Variants in FGF12 observed in about 807,000 individuals in gnomAD.
The protein encoded by FGF12 is fibroblast growth factor 12, also known as fibroblast growth factor 12B.
FGF12 carries 14 observed loss-of-function variants against 23.6 expected under a neutral mutation model. The observed-to-expected ratio is 0.59, with a 90% CI of 0.39 to 0.93. The LOEUF is 0.93. Ranked by LOEUF, FGF12 falls within the 40% of genes least tolerant of loss-of-function variation. The probability of loss-of-function intolerance (pLI) is 0.00; values close to 1 mark genes in which losing one functional copy is unlikely to be tolerated. For missense variants in FGF12, 175 were observed against 217.8 expected (o/e 0.80, Z 1.24); for synonymous variants, 62 against 77.3 (o/e 0.80, Z 1.04).
chr3:192,374,790 C>T (rs192909656), intron 2 of FGF12, among the ~76,000 whole-genome samples: 11 of 152,272 alleles, frequency 7.2e-5, no homozygotes, highest in East Asian at 5.8e-4. Flanking sequence ...AAGATTTGAG[C>T]GCAGGCAGCC....
At chr3:192,261,711 GT>G (rs1318883593) in intron 4 of FGF12, among the ~76,000 whole-genome samples, 1 of 152,182 alleles carries the variant, frequency 6.6e-6, no homozygotes, top group Non-Finnish European at 1.5e-5. Flanking sequence ...GAACACAGTG[GT>G]TACAAATAGA....
At chr3:192,247,083 A>C (rs1008337445) in intron 4 of FGF12, among the ~76,000 whole-genome samples, 2 of 143,834 alleles carry the variant, frequency 1.4e-5, no homozygotes, top group African/African-American at 2.6e-5. Flanking sequence ...GAAGGAAGGA[A>C]GGAAGGAAGG....
intron 2 of FGF12, among the ~76,000 whole-genome samples, chr3:192,642,748 T>C (rs1715852678): frequency 6.6e-6 from 1 of 152,184 alleles, no homozygotes; most frequent in Non-Finnish European, 1.5e-5. Flanking sequence ...TAAATGTTAA[T>C]CGGAGGTCAG....
chr3:192,306,648 A>G (rs1240365891), intron 4 of FGF12, among the ~76,000 whole-genome samples: 2 of 152,194 alleles, frequency 1.3e-5, no homozygotes, highest in African/African-American at 4.8e-5. Flanking sequence ...GCTGATTGAT[A>G]TATGTTGACC....
chr3:192,418,678 G>A (rs1248977457), intron 2 of FGF12, among the ~76,000 whole-genome samples: 1 of 152,046 alleles, frequency 6.6e-6, no homozygotes, highest in Non-Finnish European at 1.5e-5. Flanking sequence ...GTGACAGTGA[G>A]TTCTCATGAG....
chr3:192,317,798 A>C (rs1202242022), intron 4 of FGF12, among the ~76,000 whole-genome samples: 1 of 152,206 alleles, frequency 6.6e-6, no homozygotes, highest in Non-Finnish European at 1.5e-5. Context: ...TGCTGGCTTT[A>C]GGTATGACCT....
chr3:192,296,900 A>T (rs1267409030), intron 4 of FGF12, among the ~76,000 whole-genome samples: 1 of 152,212 alleles, frequency 6.6e-6, no homozygotes, highest in Non-Finnish European at 1.5e-5. Context: ...TCCTGAACAC[A>T]TTTTAGCCCA....
chr3:192,654,409 T>C (rs903860721), intron 2 of FGF12, among the ~76,000 whole-genome samples: 2 of 111,950 alleles, frequency 1.8e-5, no homozygotes, highest in Non-Finnish European at 4.0e-5. Context: ...CTGATCTGGA[T>C]CTAAATGATA....
chr3:192,609,394 T>G (rs531355471), intron 2 of FGF12, among the ~76,000 whole-genome samples: 5 of 152,088 alleles, frequency 3.3e-5, no homozygotes, highest in Non-Finnish European at 5.9e-5. Flanking sequence ...GTTCTTATAG[T>G]GCTGGGAAGC....
At chr3:192,196,633 A>T (rs921326527) in intron 4 of FGF12, among the ~76,000 whole-genome samples, 2 of 152,210 alleles carry the variant, frequency 1.3e-5, no homozygotes, top group Admixed American at 1.3e-4. Flanking sequence ...AGATAAAATT[A>T]ATAACTAAAA....
At chr3:192,285,093 G>T (rs1714374971) in intron 4 of FGF12, among the ~76,000 whole-genome samples, 1 of 152,048 alleles carries the variant, frequency 6.6e-6, no homozygotes, top group South Asian at 2.1e-4. Context: ...GATTTACCAT[G>T]ACCTGACAAA....
intron 2 of FGF12, among the ~76,000 whole-genome samples, chr3:192,563,728 G>A (rs140383346): frequency 6.6e-6 from 1 of 152,198 alleles, no homozygotes; most frequent in Non-Finnish European, 1.5e-5. Flanking sequence ...TAAACACAAT[G>A]ATAAGTAGTA....
rs578202859 is a variant in FGF12 at position 192,260,515 on chromosome 3, A to G, written c.228+74846T>C. ...CTGTAGAATCAACCCAGCGGATACC[A>G]TAATACAACCCGCGTATTACACAAA... On this transcript the variant is annotated intron_variant, in intron 4 of 5. Transcript: ENST00000445105. Among the ~76,000 whole-genome samples the G allele has an allele frequency of 2.0e-5, 3 of 152,318 alleles. No individual in the cohort carries two copies. In the East Asian group the frequency reaches 5.8e-4, roughly 29 times the overall value.
intron 4 of FGF12, among the ~76,000 whole-genome samples, chr3:192,171,886 C>T (rs1453982916): frequency 1.3e-5 from 2 of 151,656 alleles, no homozygotes; most frequent in African/African-American, 4.9e-5. Flanking sequence ...CTCTCTCTCT[C>T]TCTTTCTCTC....
chr3:192,250,445 T>C (rs1462138718), intron 4 of FGF12, among the ~76,000 whole-genome samples: 1 of 152,150 alleles, frequency 6.6e-6, no homozygotes, highest in African/African-American at 2.4e-5. Flanking sequence ...CCACTTAATA[T>C]TTACACCTTG....
At chr3:192,356,594 T>C (rs1577383885) in intron 3 of FGF12, among the ~76,000 whole-genome samples, 1 of 152,220 alleles carries the variant, frequency 6.6e-6, no homozygotes, top group Non-Finnish European at 1.5e-5. Context: ...CAAATCCATT[T>C]GTGTTTTGTA....
At chr3:192,707,106 A>C (rs1718496210) in intron 2 of FGF12, among the ~76,000 whole-genome samples, 2 of 152,312 alleles carry the variant, frequency 1.3e-5, no homozygotes, top group Admixed American at 1.3e-4. Context: ...GGAAACTGAA[A>C]CATCTCTAAC....
In FGF12 at chr3:192,519,930, T is replaced by C. The variant is rs374468903; in HGVS notation, c.14-159392A>G. On this transcript the variant is annotated intron_variant, in intron 2 of 5. Transcript: ENST00000445105. Reference sequence around the variant, plus strand: ...ATTGTGTCCTTTTGACATACCCCAATTGTTTTTTAGCAGTTCCTTAATTGT... The same window carrying C: ...ATTGTGTCCTTTTGACATACCCCAACTGTTTTTTAGCAGTTCCTTAATTGT... Among the ~76,000 whole-genome samples the C allele has an allele frequency of 2.6e-4, 40 of 152,346 alleles. No homozygotes were observed. The East Asian group carries it at 6.4e-3, about 24-fold the overall frequency.
chr3:192,195,886 T>C (rs1717043056), intron 4 of FGF12, among the ~76,000 whole-genome samples: 1 of 152,206 alleles, frequency 6.6e-6, no homozygotes, highest in African/African-American at 2.4e-5. Context: ...ACATCCACTT[T>C]GCATTTTTCA....
Sources: allele counts gnomAD v4.1 joint callset (sites outside exome capture counted in the v4.1 genomes callset), GRCh38; gene constraint gnomAD v4.1.1; transcripts MANE v1.5; gene names NCBI Gene and HGNC (gene_info 2026-07-23, HGNC 2026-07-21).